Variants in SYNPR observed in about 807,000 individuals in gnomAD.
SYNPR encodes synaptoporin.
In SYNPR, 23 loss-of-function variants were observed where a neutral mutation model predicts 32.9. The ratio of observed to expected loss-of-function variants is 0.70; its 90% confidence interval spans 0.50 to 0.99. The LOEUF is 0.99. Among genes scored for constraint, SYNPR ranks in the 50% least tolerant of loss-of-function variants. The pLI, the probability that SYNPR is intolerant of heterozygous loss-of-function variation, is 0.00. For synonymous variants in SYNPR, 146 were observed against 135.9 expected (o/e 1.07, Z -0.52); for missense variants, 318 against 349.3 (o/e 0.91, Z 0.71).
intron 2 of SYNPR, among the ~76,000 whole-genome samples, chr3:63,431,733 CCAA>C (rs1324518357): frequency 6.6e-6 from 1 of 150,674 alleles, no homozygotes; most frequent in East Asian, 1.9e-4. Flanking sequence ...AAAAACAAAA[CCAA>C]CAAACGAAAA....
chr3:63,290,725 G>T (rs575840251), intron 2 of SYNPR, among the ~76,000 whole-genome samples: 2 of 152,270 alleles, frequency 1.3e-5, no homozygotes, highest in East Asian at 3.9e-4. Flanking sequence ...TCCTAAGTCA[G>T]GCAGCTTCCA....
intron 2 of SYNPR, among the ~76,000 whole-genome samples, chr3:63,449,253 C>T (rs909557923): frequency 6.6e-6 from 1 of 151,924 alleles, no homozygotes; most frequent in Non-Finnish European, 1.5e-5. Flanking sequence ...TATTCACTCA[C>T]TCATCTATCT....
chr3:63,493,815 CAAAAAAAAAA>C lies in SYNPR; in HGVS notation c.209+12872_209+12881del, dbSNP rs3083190. On this transcript the variant is annotated intron_variant, in intron 3 of 5. Coordinates refer to ENST00000478300, the MANE Select transcript of SYNPR (RefSeq NM_001130003.2). ...TGGGTAACAGTGCAAGACTCTGTCT[CAAAAAAAAAA>C]AAAAAAAAAAAATGGAGATTCCAAG... Among the ~76,000 whole-genome samples the C allele has an allele frequency of 4.3e-4, 32 of 75,094 alleles. 1 individual carries two copies. The highest frequency in any genetic ancestry group is 7.2e-4 in the Non-Finnish European group (30 of 41,680). 49.3% of individuals were successfully genotyped at this position (75,094 alleles called of 152,430 possible). A position where few individuals can be genotyped will look rare whatever the true frequency, so the allele number is the denominator to read the frequency against.
intron 2 of SYNPR, among the ~76,000 whole-genome samples, chr3:63,367,163 A>G (rs1433732485): frequency 6.6e-6 from 1 of 152,150 alleles, no homozygotes; most frequent in Non-Finnish European, 1.5e-5. Context: ...TTGTTGAGAT[A>G]TTATCCAGGC....
At chr3:63,341,280 A>G (rs926512770) in intron 2 of SYNPR, among the ~76,000 whole-genome samples, 1 of 152,124 alleles carries the variant, frequency 6.6e-6, no homozygotes, top group East Asian at 1.9e-4. Flanking sequence ...TTGTTTATCC[A>G]CTCAACTATT....
At chr3:63,425,449 T>C (rs905732933) in intron 2 of SYNPR, among the ~76,000 whole-genome samples, 1 of 152,218 alleles carries the variant, frequency 6.6e-6, no homozygotes, top group Non-Finnish European at 1.5e-5. Context: ...AACAATGATA[T>C]GAAGGTGGTT....
At chr3:63,511,467 G>C (rs905398802) in intron 3 of SYNPR, among the ~76,000 whole-genome samples, 2 of 152,128 alleles carry the variant, frequency 1.3e-5, no homozygotes, top group Admixed American at 6.6e-5. Flanking sequence ...GGGAACACAG[G>C]CATTTGTTTC....
chr3:63,412,133 T>C (rs1354605928), intron 2 of SYNPR, among the ~76,000 whole-genome samples: 1 of 152,092 alleles, frequency 6.6e-6, no homozygotes, highest in East Asian at 1.9e-4. Context: ...GGGTGGTGAC[T>C]GGCTTTTCTG....
At chr3:63,588,417 A>G (rs757263597) in intron 4 of SYNPR, among the ~76,000 whole-genome samples, 7 of 152,074 alleles carry the variant, frequency 4.6e-5, no homozygotes, top group Non-Finnish European at 7.4e-5. Flanking sequence ...TTTTCCAGCT[A>G]TATTTATAAT....
intron 2 of SYNPR, among the ~76,000 whole-genome samples, chr3:63,399,315 G>C (rs1318533377): frequency 6.6e-6 from 1 of 152,224 alleles, no homozygotes; most frequent in Non-Finnish European, 1.5e-5. Context: ...CTCATGAAGA[G>C]ATGGCATATA....
intron 2 of SYNPR, among the ~76,000 whole-genome samples, chr3:63,401,290 G>C (rs1012694255): frequency 6.6e-6 from 1 of 152,168 alleles, no homozygotes; most frequent in South Asian, 2.1e-4. Flanking sequence ...AGGTGTATAT[G>C]CACTCAGGCC....
chr3:63,595,757 A>C (rs66805237), intron 4 of SYNPR, among the ~76,000 whole-genome samples: 1 of 31,004 alleles, frequency 3.2e-5, no homozygotes, highest in Non-Finnish European at 4.8e-5. Context: ...ATATATATAT[A>C]TATATATATA....
intron 2 of SYNPR, among the ~76,000 whole-genome samples, chr3:63,360,315 C>T (rs2087638977): frequency 1.3e-5 from 2 of 152,102 alleles, no homozygotes; most frequent in African/African-American, 4.8e-5. Context: ...GACCACTGCT[C>T]ACCTCCCACA....
chr3:63,441,521 C>T (rs1700172352), intron 2 of SYNPR, among the ~76,000 whole-genome samples: 1 of 152,192 alleles, frequency 6.6e-6, no homozygotes. Flanking sequence ...GTCAATCCTT[C>T]ATTTATTTAT....
chr3:63,339,838 G>C (rs2087341063), intron 2 of SYNPR, among the ~76,000 whole-genome samples: 1 of 152,088 alleles, frequency 6.6e-6, no homozygotes, highest in African/African-American at 2.4e-5. Context: ...TGTATTTTTA[G>C]TAGAGACAGG....
intron 2 of SYNPR, among the ~76,000 whole-genome samples, chr3:63,304,354 TTGTG>T (rs34570930): frequency 0.21 from 31,184 of 146,490 alleles, 3,710 homozygotes; most frequent in South Asian, 0.37. Flanking sequence ...GTGTGTGTGT[TTGTG>T]TGTGTGTGTG....
intron 4 of SYNPR, among the ~76,000 whole-genome samples, chr3:63,601,194 AC>A (rs1223044544): frequency 6.6e-6 from 1 of 151,316 alleles, no homozygotes; most frequent in Admixed American, 6.6e-5. Context: ...AATCGCTTGA[AC>A]CTGGGAGGTG....
At chr3:63,580,934 G>C (rs1409489896) in intron 4 of SYNPR, among the ~76,000 whole-genome samples, 1 of 152,144 alleles carries the variant, frequency 6.6e-6, no homozygotes, top group Non-Finnish European at 1.5e-5. Flanking sequence ...TTGTGAGGTA[G>C]GTAGTATTGC....
Position 63,278,564 on chromosome 3 carries a change from T to C in SYNPR, c.18+13T>C. 6.4e-7 allele frequency: 1 copy of C among 1,550,954 alleles called. No individual in the cohort carries two copies. The highest frequency in any genetic ancestry group is 8.7e-7 in the Non-Finnish European group (1 of 1,146,464). On this transcript the variant is annotated intron_variant, in intron 1 of 5. Coordinates refer to ENST00000478300, the MANE Select transcript of SYNPR (RefSeq NM_001130003.2). Reference sequence around the variant, plus strand: ...CCCTGTGAGTCAGGTGAGACAGAACTGGGCAGGGCGGCTGGCTGGGAGCAG... The same window carrying C: ...CCCTGTGAGTCAGGTGAGACAGAACCGGGCAGGGCGGCTGGCTGGGAGCAG...
Sources: allele counts gnomAD v4.1 joint callset (sites outside exome capture counted in the v4.1 genomes callset), GRCh38; gene constraint gnomAD v4.1.1; transcripts MANE v1.5; gene names NCBI Gene and HGNC (gene_info 2026-07-23, HGNC 2026-07-21).